PCDHGA10: variants seen among roughly 807,000 people sequenced by gnomAD.
PCDHGA10 encodes protocadherin gamma-A10.
In PCDHGA10, 42 loss-of-function variants were observed where a neutral mutation model predicts 59.5. The ratio of observed to expected loss-of-function variants is 0.71; its 90% confidence interval spans 0.55 to 0.91. The LOEUF is 0.91. Among genes scored for constraint, PCDHGA10 ranks in the 40% least tolerant of loss-of-function variants. The pLI is 0.00. For synonymous variants in PCDHGA10, 511 were observed against 517.2 expected, an observed-to-expected ratio of 0.99 and a Z score of 0.16; for missense variants, 1,111 against 1,198.2, an observed-to-expected ratio of 0.93 and a Z score of 1.07.
intron 2 of PCDHGA10, among the ~76,000 whole-genome samples, chr5:141,504,859 C>T (rs1396681670): frequency 6.6e-6 from 1 of 152,090 alleles, no homozygotes; most frequent in African/African-American, 2.4e-5. Context: ...TCTTCCATTT[C>T]CCACCTTCAC....
chr5:141,474,687 A>G (rs369586568), intron 1 of PCDHGA10, among the ~76,000 whole-genome samples: 35 of 152,302 alleles, frequency 2.3e-4, no homozygotes, highest in African/African-American at 7.7e-4. Flanking sequence ...CTACCCCTTC[A>G]CTTATGTTCA....
At chr5:141,438,710 G>C (rs568772648) in intron 1 of PCDHGA10, among the ~76,000 whole-genome samples, 2 of 147,308 alleles carry the variant, frequency 1.4e-5, no homozygotes, top group South Asian at 4.3e-4. Context: ...ACCCAGGCTG[G>C]AGTGCAAGTG....
intron 1 of PCDHGA10, among the ~76,000 whole-genome samples, chr5:141,454,796 A>ATTTTTTTTTTT (rs61612330): frequency 0.014 from 1,093 of 77,476 alleles, 165 homozygotes; most frequent in African/African-American, 0.018. Flanking sequence ...CATGGTTCTA[A>ATTTTTTTTTTT]TTTTTTTTTT....
chr5:141,506,165 C>T (rs1359711670), intron 3 of PCDHGA10, among the ~76,000 whole-genome samples: 8 of 152,038 alleles, frequency 5.3e-5, no homozygotes, highest in South Asian at 2.1e-4. Context: ...AAGAGCACAG[C>T]CTAAGCTGGG....
Position 141,431,351 on chromosome 5 carries a change from C to T in PCDHGA10, c.2436+15740C>T, listed in dbSNP as rs1411192998. On this transcript the variant is annotated intron_variant, in intron 1 of 3. Coordinates refer to ENST00000398610, the MANE Select transcript of PCDHGA10 (RefSeq NM_018913.3). The surrounding 1 kb of genome is among the most constrained non-coding windows in gnomAD (Gnocchi z 4.8). ...TAAGTACCCCGAATTGGTGCTGAAACGCGCCCTGGACCGCGAAGAAAAGGC... is the reference window on the plus strand; with the variant it reads ...TAAGTACCCCGAATTGGTGCTGAAATGCGCCCTGGACCGCGAAGAAAAGGC... The T allele has an allele frequency of 1.9e-6, 3 of 1,613,946 alleles. No homozygotes were observed. Among genetic ancestry groups the T allele is most frequent in the African/African-American group, 2.7e-5 (2 of 74,938 alleles).
intron 1 of PCDHGA10, chr5:141,478,790 C>T: frequency 6.8e-7 from 1 of 1,472,906 alleles, no homozygotes. Flanking sequence ...AATTCACATC[C>T]TCAGCACTCT....
intron 1 of PCDHGA10, chr5:141,423,131 A>G (rs370773437): frequency 1.9e-6 from 3 of 1,613,538 alleles, no homozygotes; most frequent in Admixed American, 1.7e-5. Context: ...GCACTGCTGG[A>G]CAGAGACGCG....
chr5:141,428,233 C>A, intron 1 of PCDHGA10: 1 of 1,049,106 alleles, frequency 9.5e-7, no homozygotes, highest in Non-Finnish European at 1.4e-6. Context: ...AGACAGCCTG[C>A]AGGAGGCACT....
At chr5:141,439,473 G>T (rs1414737627) in intron 1 of PCDHGA10, among the ~76,000 whole-genome samples, 2 of 152,202 alleles carry the variant, frequency 1.3e-5, no homozygotes, top group South Asian at 2.1e-4. Context: ...CTGCCTTTCA[G>T]CTTGCAAATT....
At chr5:141,484,789 A>T (rs1215899787) in intron 1 of PCDHGA10, among the ~76,000 whole-genome samples, 1 of 152,132 alleles carries the variant, frequency 6.6e-6, no homozygotes, top group Non-Finnish European at 1.5e-5. Flanking sequence ...CCACAGAGAT[A>T]ACAACCCGTG....
intron 3 of PCDHGA10, among the ~76,000 whole-genome samples, chr5:141,505,765 T>C (rs970212345): frequency 5.3e-5 from 8 of 151,922 alleles, no homozygotes; most frequent in African/African-American, 1.9e-4. Flanking sequence ...ACAGTGTAGC[T>C]CAGGTCCTAG....
At position 141,432,203 on chromosome 5, in the gene PCDHGA10, G is replaced by A. The variant is rs1282888078; in HGVS notation, c.2436+16592G>A. The A allele has an allele frequency of 3.1e-6, 5 of 1,614,062 alleles. No homozygotes were observed. The highest frequency in any genetic ancestry group is 1.3e-5 in the African/African-American group (1 of 74,920). ...TGTGACCGCCCACGACCCCGACTGT[G>A]AAGAGAACGCCCAGATCACTTATTC... On this transcript the variant is annotated intron_variant, in intron 1 of 3. Transcript: ENST00000398610. The surrounding 1 kb of genome is among the most constrained non-coding windows in gnomAD (Gnocchi z 6.0).
chr5:141,453,317 G>A (rs1218359210), intron 1 of PCDHGA10, among the ~76,000 whole-genome samples: 1 of 151,178 alleles, frequency 6.6e-6, no homozygotes, highest in Non-Finnish European at 1.5e-5. Flanking sequence ...ATTTATTTTA[G>A]AGATGGGGTC....
chr5:141,489,915 C>T lies in PCDHGA10; in HGVS notation c.2437-4892C>T, dbSNP rs971312502. On this transcript the variant is annotated intron_variant, in intron 1 of 3. Coordinates refer to ENST00000398610, the MANE Select transcript of PCDHGA10 (RefSeq NM_018913.3). This position sits in a 1 kb window ranked among gnomAD's most constrained non-coding sequence, Gnocchi z 4.5. ...GGGGGACCCCAGCCCGCTCAGGGAC[C>T]ACCCTTATCTCTGTCATCGTGCTGG... The T allele has an allele frequency of 6.2e-7, 1 of 1,614,242 alleles. No individual in the cohort carries two copies. Among genetic ancestry groups the T allele is most frequent in the Non-Finnish European group, 8.5e-7 (1 of 1,180,044 alleles).
At chr5:141,469,886 T>A (rs766990419) in intron 1 of PCDHGA10, among the ~76,000 whole-genome samples, 4 of 152,208 alleles carry the variant, frequency 2.6e-5, no homozygotes, top group Non-Finnish European at 4.4e-5. Context: ...ATCTCGGCAC[T>A]TTGGGAAGCC....
chr5:141,420,330 C>G lies in PCDHGA10; in HGVS notation c.2436+4719C>G, dbSNP rs765696240. 711 of 1,399,258 alleles carry G rather than the reference C, an allele frequency of 5.1e-4. 1 individual carries two copies. The highest frequency in any genetic ancestry group is 6.5e-4 in the Non-Finnish European group (676 of 1,043,138). 86.7% of individuals were successfully genotyped at this position (1,399,258 alleles called of 1,614,324 possible). A position where few individuals can be genotyped will look rare whatever the true frequency, so the allele number is the denominator to read the frequency against. On this transcript the variant is annotated intron_variant, in intron 1 of 3. Coordinates refer to ENST00000398610, the MANE Select transcript of PCDHGA10 (RefSeq NM_018913.3). Reference sequence around the variant, plus strand: ...TTATATTACAATATGCCAATATATTCCAATATAGTGGTATTATTTTAAGAT... The same window carrying G: ...TTATATTACAATATGCCAATATATTGCAATATAGTGGTATTATTTTAAGAT...
chr5:141,490,775 A>G lies in PCDHGA10; in HGVS notation c.2437-4032A>G. 6 of 1,614,110 alleles carry G rather than the reference A, an allele frequency of 3.7e-6. No homozygotes were observed. Among genetic ancestry groups the G allele is most frequent in the Non-Finnish European group, 5.1e-6 (6 of 1,179,964 alleles). On this transcript the variant is annotated intron_variant, in intron 1 of 3. Transcript: ENST00000398610. The surrounding 1 kb of genome is among the most constrained non-coding windows in gnomAD (Gnocchi z 5.4). ...TCCTCCTTTGTGTATGTCAACCCAG[A>G]GGATGGACGGATCTTTGCCCAGCGT...
In PCDHGA10 at chr5:141,431,326, T is replaced by G. The variant is rs1486136293; in HGVS notation, c.2436+15715T>G. 6.2e-7 allele frequency: 1 copy of G among 1,614,046 alleles called. No individual in the cohort carries two copies. Among genetic ancestry groups the G allele is most frequent in the Non-Finnish European group, 8.5e-7 (1 of 1,180,018 alleles). On this transcript the variant is annotated intron_variant, in intron 1 of 3. Transcript: ENST00000398610. This position sits in a 1 kb window ranked among gnomAD's most constrained non-coding sequence, Gnocchi z 4.8. Reference sequence around the variant, plus strand: ...TCGTGCAAAATGGAGCCGACGGTAGTAAGTACCCCGAATTGGTGCTGAAAC... The same window carrying G: ...TCGTGCAAAATGGAGCCGACGGTAGGAAGTACCCCGAATTGGTGCTGAAAC...
At chr5:141,475,448 G>A (rs774710049) in intron 1 of PCDHGA10, among the ~76,000 whole-genome samples, 1 of 152,214 alleles carries the variant, frequency 6.6e-6, no homozygotes, top group Non-Finnish European at 1.5e-5. Flanking sequence ...CAGATAATGA[G>A]GAAGTGACAG....
Sources: allele counts gnomAD v4.1 joint callset (sites outside exome capture counted in the v4.1 genomes callset), GRCh38; gene constraint gnomAD v4.1.1; non-coding constraint Gnocchi (gnomAD v3.1); transcripts MANE v1.5; gene names NCBI Gene and HGNC (gene_info 2026-07-23, HGNC 2026-07-21).